TTBK1: variants seen among roughly 807,000 people sequenced by gnomAD.
TTBK1 encodes tau tubulin kinase 1.
In TTBK1, 34 loss-of-function variants were observed where a neutral mutation model predicts 108.5. The ratio of observed to expected loss-of-function variants is 0.31; its 90% CI spans 0.24 to 0.42. The LOEUF (loss-of-function observed/expected upper bound fraction) is 0.42, where lower values mean the gene tolerates loss of function less well. TTBK1 is among the 10% of genes least tolerant of loss of function. The probability of loss-of-function intolerance (pLI) is 1.00; values close to 1 mark genes in which losing one functional copy is unlikely to be tolerated. For synonymous variants in TTBK1, 809 were observed against 795.1 expected (o/e 1.02, Z -0.29); for missense variants, 1,539 against 1,826.0 (o/e 0.84, Z 2.86).
Position 43,285,426 on chromosome 6 carries a change from C to CT in TTBK1, c.*50_*51insT. The CT allele has an allele frequency of 8.0e-7, 1 of 1,250,180 alleles. No homozygotes were observed. Among genetic ancestry groups the CT allele is most frequent in the East Asian group, 3.2e-5 (1 of 31,576 alleles). The allele number at this position is 1,250,180 out of a possible 1,614,324, so 77.4% of individuals were successfully genotyped here. A position where few individuals can be genotyped will look rare whatever the true frequency, so the allele number is the denominator to read the frequency against. ...CCCCACCCTCACCCCGGCCCCCCAC[C>CT]CGCAGCCGGCCACACTGGAGCAGCT... is the stretch of plus-strand genomic sequence containing the variant. On this transcript the variant is annotated 3_prime_UTR_variant, in exon 15 of 15. Coordinates refer to ENST00000259750, the MANE Select transcript of TTBK1 (RefSeq NM_032538.3). This position sits in a 1 kb window ranked among gnomAD's most constrained non-coding sequence, Gnocchi z 4.7.
rs1020337845 is a variant in TTBK1 at position 43,273,924 on chromosome 6, G to A, written c.1987-8803G>A. Reference sequence around the variant, plus strand: ...AGGGCTGCAGCACTCAAAGGCGACAGTGTTCTTGCCCAGGAACTCGAACCT... The same window carrying A: ...AGGGCTGCAGCACTCAAAGGCGACAATGTTCTTGCCCAGGAACTCGAACCT... On this transcript the variant is annotated intron_variant, in intron 13 of 14. Coordinates refer to ENST00000259750, the MANE Select transcript of TTBK1 (RefSeq NM_032538.3). The surrounding 1 kb of genome is among the most constrained non-coding windows in gnomAD (Gnocchi z 4.2). Among the ~76,000 whole-genome samples the A allele has an allele frequency of 6.6e-6, 1 of 152,204 alleles. No individual in the cohort carries two copies. The highest frequency in any genetic ancestry group is 2.4e-5 in the African/African-American group (1 of 41,434).
At chr6:43,279,184 T>C (rs1778082378) in intron 13 of TTBK1, among the ~76,000 whole-genome samples, 1 of 152,142 alleles carries the variant, frequency 6.6e-6, no homozygotes, top group Non-Finnish European at 1.5e-5. Flanking sequence ...GGGGAGGGCT[T>C]GGAGGCAGGA....
At position 43,283,856 on chromosome 6, in the gene TTBK1, C is replaced by T. The variant is rs1478576895; in HGVS notation, c.3116C>T (p.Thr1039Ile). The T allele has an allele frequency of 6.2e-7, 1 of 1,609,862 alleles. No individual in the cohort carries two copies. The highest frequency in any genetic ancestry group is 8.5e-7 in the Non-Finnish European group (1 of 1,177,444). Residue 1039 changes from threonine (T) to isoleucine (I), a missense_variant, in exon 14 of 15, where the codon ACC becomes ATC. Around this residue, in one of 5 missense-constraint regions of TTBK1, gnomAD observed 1,055 missense variants for 1,086.5 expected, o/e 0.97. Coordinates refer to ENST00000259750, the MANE Select transcript of TTBK1 (RefSeq NM_032538.3). The surrounding 1 kb of genome is among the most constrained non-coding windows in gnomAD (Gnocchi z 8.1). Reference sequence around the variant, plus strand: ...GAGCCAAGCCCTGAGAAAGTGGCCACCATCTCCCCCAGACGCCATGCTATG... The same window carrying T: ...GAGCCAAGCCCTGAGAAAGTGGCCATCATCTCCCCCAGACGCCATGCTATG... ...PLEPSPEKVA[T>I]ISPRRHAMPG...
intron 13 of TTBK1, chr6:43,272,717 T>C (rs937591): frequency 0.37 from 360,749 of 981,142 alleles, 70,898 homozygotes; most frequent in African/African-American, 0.71. Context: ...ATTAAGTTCA[T>C]GTGAAGCTCG....
chr6:43,274,630 C>G (rs1777915741), intron 13 of TTBK1, among the ~76,000 whole-genome samples: 1 of 84,850 alleles, frequency 1.2e-5, no homozygotes, highest in Non-Finnish European at 2.6e-5. Context: ...TCCGGAGGGC[C>G]TGAACCCCAT....
chr6:43,245,120 C>T (rs1459776568), intron 1 of TTBK1, among the ~76,000 whole-genome samples: 1 of 152,184 alleles, frequency 6.6e-6, no homozygotes, highest in Non-Finnish European at 1.5e-5. Context: ...CACACCTCCA[C>T]GTCCCACCCT....
chr6:43,282,716 G>A lies in TTBK1; in HGVS notation c.1987-11G>A, dbSNP rs769293800. 65 of 1,589,166 alleles carry A rather than the reference G, an allele frequency of 4.1e-5. No individual in the cohort carries two copies. Among genetic ancestry groups the A allele is most frequent in the Non-Finnish European group, 5.4e-5 (63 of 1,168,982 alleles). On this transcript the variant is annotated splice_polypyrimidine_tract_variant and intron_variant, in intron 13 of 14. Coordinates refer to ENST00000259750, the MANE Select transcript of TTBK1 (RefSeq NM_032538.3). This position sits in a 1 kb window ranked among gnomAD's most constrained non-coding sequence, Gnocchi z 5.4. ...GTGACCTCAGAGGGTCCCTGTGTATGCCCCTTGCAGGTGTTCTCCGTGGCG... is the reference window on the plus strand; with the variant it reads ...GTGACCTCAGAGGGTCCCTGTGTATACCCCTTGCAGGTGTTCTCCGTGGCG...
rs1425579285 is a variant in TTBK1, at chr6:43,270,292, G to A, written c.1986+6942G>A. 5.4e-6 allele frequency: 6 copies of A among 1,104,512 alleles called. No homozygotes were observed. The East Asian group carries it at 2.3e-4, about 42-fold the overall frequency. The allele number at this position is 1,104,512 out of a possible 1,614,324, so 68.4% of individuals were successfully genotyped here. A position where few individuals can be genotyped will look rare whatever the true frequency, so the allele number is the denominator to read the frequency against. ...GTGGAAAGAGAGGTGTCAGGGAGATGAGGCCTGCAGGGCCAGAGGCACTCT... is the reference window on the plus strand; with the variant it reads ...GTGGAAAGAGAGGTGTCAGGGAGATAAGGCCTGCAGGGCCAGAGGCACTCT... On this transcript the variant is annotated intron_variant, in intron 13 of 14. Transcript: ENST00000259750.
intron 13 of TTBK1, among the ~76,000 whole-genome samples, chr6:43,277,655 C>T (rs922848237): frequency 3.9e-5 from 6 of 152,238 alleles, no homozygotes; most frequent in Admixed American, 1.3e-4. Flanking sequence ...TTACCCCTTC[C>T]GCCACCTTCC....
In TTBK1 at chr6:43,263,003, G is replaced by C; in HGVS notation, c.1639G>C (p.Asp547His). 6.2e-7 allele frequency: 1 copy of C among 1,610,326 alleles called. No individual in the cohort carries two copies. The highest frequency in any genetic ancestry group is 8.5e-7 in the Non-Finnish European group (1 of 1,178,392). The change falls in exon 13 of 15, where the codon GAC becomes CAC. Residue 547 changes from aspartate to histidine, a missense_variant. By Grantham distance (81) the Asp-to-His change is moderately conservative. Around this residue, in one of 5 missense-constraint regions of TTBK1, gnomAD observed 1,055 missense variants for 1,086.5 expected, o/e 0.97. Transcript: ENST00000259750. This position sits in a 1 kb window ranked among gnomAD's most constrained non-coding sequence, Gnocchi z 4.7. ...CGACAGCAAAGAGTGGGTCATCATC[G>C]ACAAGGAGACGGAGCTCAAGGACTT... ...DFDSKEWVII[D>H]KETELKDFPP...
rs1777402106 is a variant in TTBK1, at chr6:43,257,075, C to T, written c.862-737C>T. Among the ~76,000 whole-genome samples the T allele has an allele frequency of 6.6e-6, 1 of 152,236 alleles. No homozygotes were observed. Among genetic ancestry groups the T allele is most frequent in the South Asian group, 2.1e-4 (1 of 4,826 alleles). On this transcript the variant is annotated intron_variant, in intron 9 of 14. Transcript: ENST00000259750. The surrounding 1 kb of genome is among the most constrained non-coding windows in gnomAD (Gnocchi z 4.5). ...GAGACAGCCTGAGGCACACAGGATGCACTCAATTAAGCCGGTCCTCTCAGC... is the reference window on the plus strand; with the variant it reads ...GAGACAGCCTGAGGCACACAGGATGTACTCAATTAAGCCGGTCCTCTCAGC...
intron 12 of TTBK1, among the ~76,000 whole-genome samples, chr6:43,262,249 G>C (rs1777561009): frequency 1.3e-5 from 2 of 152,228 alleles, no homozygotes; most frequent in Admixed American, 1.3e-4. Flanking sequence ...AGTCACTGGA[G>C]TTTGTTGAGC....
intron 13 of TTBK1, chr6:43,271,143 C>A: frequency 1.0e-6 from 1 of 985,390 alleles, no homozygotes; most frequent in Non-Finnish European, 1.2e-6. Context: ...CTGGGGAATG[C>A]GGTAGTAGTG....
rs148949379 is a variant in TTBK1 at position 43,283,561 on chromosome 6, G to A, written c.2821G>A (p.Val941Ile). ...VHIAEKTHLN[V>I]MSSGGQALRS... is the part of the protein sequence containing the mutation. ...CATTGCGGAGAAAACCCACCTCAAC[G>A]TCATGTCTTCCGGTGGACAAGCCTT... is the stretch of plus-strand genomic sequence containing the variant. The change falls in exon 14 of 15, where the codon GTC (valine) becomes ATC (isoleucine). Residue 941 changes from valine (V) to isoleucine (I), a missense_variant. Val to Ile is a conservative substitution (Grantham distance 29). Coordinates refer to ENST00000259750, the MANE Select transcript of TTBK1 (RefSeq NM_032538.3). This position sits in a 1 kb window ranked among gnomAD's most constrained non-coding sequence, Gnocchi z 8.1. The A allele has an allele frequency of 2.3e-4, 365 of 1,614,174 alleles. 2 individuals are homozygous for A. In the South Asian group the frequency reaches 3.7e-3, roughly 16 times the overall value.
In TTBK1 at chr6:43,284,345, G is replaced by GAGGGTGGCCAC. The variant is rs766683634; in HGVS notation, c.3572+37_3572+47dup. ...ACCGCTGCCAGCCCCAGGGTGGGCA[G>GAGGGTGGCCAC]AGGGTGGCCACAGGCCTCCACCAGG... On this transcript the variant is annotated intron_variant, in intron 14 of 14. Coordinates refer to ENST00000259750, the MANE Select transcript of TTBK1 (RefSeq NM_032538.3). 1.4e-5 allele frequency: 21 copies of GAGGGTGGCCAC among 1,524,976 alleles called. No homozygotes were observed. In the East Asian group the frequency reaches 3.4e-4, roughly 25 times the overall value. The allele number at this position is 1,524,976 out of a possible 1,614,324, so 94.5% of individuals were successfully genotyped here.
chr6:43,255,150 T>C, intron 7 of TTBK1, 36 bp downstream of exon 7: 1 of 1,042,698 alleles, frequency 9.6e-7, no homozygotes, highest in Non-Finnish European at 1.2e-6. Flanking sequence ...GATGTGGAGG[T>C]GGGAGGGGCA....
Position 43,254,509 on chromosome 6 carries a change from T to C in TTBK1, c.472-38T>C, listed in dbSNP as rs753244776. On this transcript the variant is annotated intron_variant, in intron 5 of 14. Transcript: ENST00000259750. The stretch of plus-strand genomic sequence containing the variant: ...GCCCCTTGAGGTGGCCCAGCTGGGG[T>C]TGGGGCCCCCAGAGCTCACAGCTGC... The C allele has an allele frequency of 3.4e-6, 5 of 1,486,744 alleles. No individual in the cohort carries two copies. In the African/African-American group the frequency reaches 5.7e-5, roughly 17 times the overall value. The allele number at this position is 1,486,744 out of a possible 1,614,324, so 92.1% of individuals were successfully genotyped here. A position where few individuals can be genotyped will look rare whatever the true frequency, so the allele number is the denominator to read the frequency against.
chr6:43,249,586 TA>T (rs1374494582), intron 2 of TTBK1, among the ~76,000 whole-genome samples: 3 of 152,094 alleles, frequency 2.0e-5, no homozygotes, highest in African/African-American at 7.2e-5. Flanking sequence ...TTTTTAATTT[TA>T]TTTTTTTGAG....
chr6:43,244,714 C>T (rs1777043103), intron 1 of TTBK1, among the ~76,000 whole-genome samples: 1 of 152,164 alleles, frequency 6.6e-6, no homozygotes, highest in Non-Finnish European at 1.5e-5. Flanking sequence ...GAGAGCAGGA[C>T]ACAAATTTTC....
Sources: gnomAD v4.1 joint callset for allele counts (sites outside exome capture counted in the v4.1 genomes callset) on GRCh38, gnomAD v4.1.1 for gene constraint, gnomAD v4.1.1 regional missense constraint, Gnocchi (gnomAD v3.1) non-coding constraint, MANE v1.5 for transcripts, NCBI Gene and HGNC (gene_info 2026-07-23, HGNC 2026-07-21) for gene names.